Variants in ITPR1 observed in about 807,000 individuals in gnomAD.
The protein encoded by ITPR1 is inositol 1,4,5-trisphosphate-gated calcium channel ITPR1.
ITPR1 carries 96 observed loss-of-function variants against 318.4 expected under a neutral mutation model. The ratio of observed to expected loss-of-function variants is 0.30; its 90% CI spans 0.26 to 0.36. The LOEUF is 0.36. ITPR1 is among the 10% of genes least tolerant of loss of function. The pLI is 1.00. For missense variants in ITPR1, 2,440 were observed against 3,460.2 expected (o/e 0.71, Z 7.40); for synonymous variants, 1,312 against 1,289.9 (o/e 1.02, Z -0.37).
intron 54 of ITPR1, among the ~76,000 whole-genome samples, chr3:4,803,575 G>A (rs1014108396): frequency 1.3e-5 from 2 of 152,234 alleles, no homozygotes; most frequent in African/African-American, 4.8e-5. Flanking sequence ...AGAGATCAGT[G>A]TGGGGAGGGG....
intron 37 of ITPR1, among the ~76,000 whole-genome samples, chr3:4,706,971 A>G (rs2094771439): frequency 6.6e-6 from 1 of 152,192 alleles, no homozygotes; most frequent in Non-Finnish European, 1.5e-5. Flanking sequence ...TCACAGTTTG[A>G]GAATCGCAGA....
intron 4 of ITPR1, among the ~76,000 whole-genome samples, chr3:4,589,018 A>G (rs142875117): frequency 9.9e-5 from 15 of 152,234 alleles, no homozygotes; most frequent in African/African-American, 1.4e-4. Flanking sequence ...CTTTGACTGC[A>G]CTTCATAGCA....
chr3:4,649,477 A>C (rs2093546232), intron 10 of ITPR1, among the ~76,000 whole-genome samples: 1 of 152,226 alleles, frequency 6.6e-6, no homozygotes, highest in Non-Finnish European at 1.5e-5. Context: ...CCAAACAAAT[A>C]CTATGCTCAT....
intron 2 of ITPR1, among the ~76,000 whole-genome samples, chr3:4,505,590 G>A (rs1385566838): frequency 2.0e-5 from 3 of 152,214 alleles, no homozygotes; most frequent in Admixed American, 1.3e-4. Flanking sequence ...TTAGGAGGTG[G>A]AGGTAGTGTG....
chr3:4,715,256 AC>A (rs1405338773), intron 39 of ITPR1, among the ~76,000 whole-genome samples: 5 of 152,338 alleles, frequency 3.3e-5, no homozygotes, highest in East Asian at 3.9e-4. Context: ...TTTGAGGTCC[AC>A]CTACAGGTTG....
At chr3:4,791,333 T>A (rs2125410282) in intron 52 of ITPR1, among the ~76,000 whole-genome samples, 1 of 152,234 alleles carries the variant, frequency 6.6e-6, no homozygotes, top group African/African-American at 2.4e-5. Flanking sequence ...TGGAAGACAA[T>A]TTTCCACAGA....
chr3:4,752,021 C>G (rs1288035617), intron 44 of ITPR1, among the ~76,000 whole-genome samples: 1 of 152,170 alleles, frequency 6.6e-6, no homozygotes, highest in Non-Finnish European at 1.5e-5. Context: ...AAGTTTCTAC[C>G]AATTTCCTAT....
Position 4,846,395 on chromosome 3 carries a change from T to C in ITPR1, c.*170T>C, listed in dbSNP as rs2051783836. 7.3e-6 allele frequency: 3 copies of C among 409,166 alleles called. No homozygotes were observed. The highest frequency in any genetic ancestry group is 8.7e-5 in the Admixed American group (2 of 22,940). The allele number at this position is 409,166 out of a possible 1,614,324, so 25.3% of individuals were successfully genotyped here. A position where few individuals can be genotyped will look rare whatever the true frequency, so the allele number is the denominator to read the frequency against. On this transcript the variant is annotated 3_prime_UTR_variant, in exon 62 of 62. Coordinates refer to ENST00000649015, the MANE Select transcript of ITPR1 (RefSeq NM_001378452.1). ...GCTACTCTAAAGGTTTGGATATATG[T>C]ATTGTAATTAGAATTGTTGGCATGA...
chr3:4,501,762 T>C (rs1159468424), intron 2 of ITPR1, among the ~76,000 whole-genome samples: 1 of 152,172 alleles, frequency 6.6e-6, no homozygotes, highest in Non-Finnish European at 1.5e-5. Flanking sequence ...TTGGGGGAGC[T>C]TTTATTCGCT....
intron 4 of ITPR1, among the ~76,000 whole-genome samples, chr3:4,624,682 A>C (rs1227677399): frequency 2.0e-5 from 3 of 151,890 alleles, no homozygotes; most frequent in African/African-American, 7.3e-5. Context: ...AAAAAAAAAA[A>C]AAAAAAAAAA....
rs1159725505 is a variant in ITPR1 at position 4,645,745 on chromosome 3, G to A, written c.855+17G>A. 1 of 1,609,800 alleles carries A rather than the reference G, an allele frequency of 6.2e-7. No individual in the cohort carries two copies. Among genetic ancestry groups the A allele is most frequent in the African/African-American group, 1.3e-5 (1 of 74,968 alleles). ...GAGGTGGAGGTAAGGGTAGGGTGGAGAAAGGGCTCCTGGGTTTAGAGGATA... is the reference window on the plus strand; with the variant it reads ...GAGGTGGAGGTAAGGGTAGGGTGGAAAAAGGGCTCCTGGGTTTAGAGGATA... On this transcript the variant is annotated intron_variant, in intron 10 of 61. Coordinates refer to ENST00000649015, the MANE Select transcript of ITPR1 (RefSeq NM_001378452.1).
At chr3:4,796,960 C>T (rs1303501874) in intron 53 of ITPR1, among the ~76,000 whole-genome samples, 3 of 152,194 alleles carry the variant, frequency 2.0e-5, no homozygotes, top group African/African-American at 7.2e-5. Context: ...CCCATCCAAG[C>T]TTGAGATCCC....
At chr3:4,742,993 A>G (rs6769031) in intron 44 of ITPR1, among the ~76,000 whole-genome samples, 147,307 of 152,302 alleles carry the variant, frequency 0.97, 71,425 homozygotes, top group East Asian at 1. Flanking sequence ...CATTGCCTTG[A>G]GTACAGGTTA....
intron 4 of ITPR1, among the ~76,000 whole-genome samples, chr3:4,573,736 C>T (rs1347093140): frequency 6.6e-6 from 1 of 152,202 alleles, no homozygotes; most frequent in African/African-American, 2.4e-5. Context: ...GACATTTGCC[C>T]TTCACAGAGG....
intron 4 of ITPR1, among the ~76,000 whole-genome samples, chr3:4,600,295 C>G (rs565284659): frequency 2.6e-4 from 39 of 152,316 alleles, no homozygotes; most frequent in Middle Eastern, 3.4e-3. Context: ...ACACATCCCT[C>G]AAGTTCCCTT....
chr3:4,604,093 G>T (rs1043016675), intron 4 of ITPR1, among the ~76,000 whole-genome samples: 1 of 152,148 alleles, frequency 6.6e-6, no homozygotes, highest in Non-Finnish European at 1.5e-5. Context: ...TAGTGATGTT[G>T]AGCGTTTTTT....
At chr3:4,726,193 C>A (rs542712732) in intron 41 of ITPR1, among the ~76,000 whole-genome samples, 1 of 152,012 alleles carries the variant, frequency 6.6e-6, no homozygotes, top group Non-Finnish European at 1.5e-5. Flanking sequence ...CAACGCTCAG[C>A]GAATTTTTGT....
chr3:4,746,581 G>T (rs540070156), intron 44 of ITPR1, among the ~76,000 whole-genome samples: 1 of 152,288 alleles, frequency 6.6e-6, no homozygotes, highest in Admixed American at 6.5e-5. Flanking sequence ...CTGTAGTAAT[G>T]ACCACACTTC....
Position 4,722,454 on chromosome 3 carries a change from G to C in ITPR1, c.5137-3092G>C, listed in dbSNP as rs534688294. 1.1e-4 allele frequency among the ~76,000 whole-genome samples: 17 copies of C among 152,148 alleles called. No homozygotes were observed. The East Asian group carries it at 2.7e-3, about 24-fold the overall frequency. ...TTCCCCCTAAACACATGTTCAATGA[G>C]GGCTTCACCTTTCATGTAAAAAACG... On this transcript the variant is annotated intron_variant, in intron 40 of 61. Transcript: ENST00000649015.
Sources: gnomAD v4.1 joint callset for allele counts (sites outside exome capture counted in the v4.1 genomes callset) on GRCh38, gnomAD v4.1.1 for gene constraint, MANE v1.5 for transcripts, NCBI Gene and HGNC (gene_info 2026-07-23, HGNC 2026-07-21) for gene names.